GRIK2: variants seen among roughly 807,000 people sequenced by gnomAD.
GRIK2 encodes the protein glutamate ionotropic receptor kainate type subunit 2.
GRIK2 carries 32 observed loss-of-function variants against 100.3 expected under a neutral mutation model. The observed-to-expected ratio is 0.32, with a 90% CI of 0.24 to 0.43. The LOEUF (loss-of-function observed/expected upper bound fraction) is 0.43. Among genes scored for constraint, GRIK2 ranks in the 20% least tolerant of loss-of-function variants. GRIK2 has a pLI of 1.00. For missense variants in GRIK2, 843 were observed against 1,114.9 expected, an observed-to-expected ratio of 0.76 and a Z score of 3.47; for synonymous variants, 417 against 389.4, an observed-to-expected ratio of 1.07 and a Z score of -0.83.
chr6:101,830,106 A>T (rs886952924), intron 10 of GRIK2, among the ~76,000 whole-genome samples: 1 of 151,964 alleles, frequency 6.6e-6, no homozygotes, highest in Non-Finnish European at 1.5e-5. Flanking sequence ...AGAATAGAAA[A>T]CTCAGAAATA....
At chr6:101,753,572 C>T (rs1044331854) in intron 7 of GRIK2, among the ~76,000 whole-genome samples, 2 of 151,842 alleles carry the variant, frequency 1.3e-5, no homozygotes, top group African/African-American at 4.8e-5. Flanking sequence ...TACTTAAGAA[C>T]ACTCATTTTA....
At chr6:101,905,206 TG>T (rs1342089910) in intron 12 of GRIK2, among the ~76,000 whole-genome samples, 1 of 151,612 alleles carries the variant, frequency 6.6e-6, no homozygotes, top group African/African-American at 2.4e-5. Flanking sequence ...GTCTCTAGTT[TG>T]CTCATCTTGT....
At chr6:101,933,855 T>G (rs1284141766) in intron 14 of GRIK2, among the ~76,000 whole-genome samples, 1 of 151,932 alleles carries the variant, frequency 6.6e-6, no homozygotes, top group Non-Finnish European at 1.5e-5. Flanking sequence ...AAGTCATTGA[T>G]TTTGAAGTGT....
chr6:101,961,023 T>A (rs1038215574), intron 14 of GRIK2, among the ~76,000 whole-genome samples: 13 of 152,134 alleles, frequency 8.5e-5, no homozygotes, highest in Admixed American at 7.2e-4. Context: ...TAAGTTAATG[T>A]ATCCACCTTG....
chr6:101,489,275 A>G (rs991506618), intron 2 of GRIK2, among the ~76,000 whole-genome samples: 1 of 146,130 alleles, frequency 6.8e-6, no homozygotes, highest in Non-Finnish European at 1.5e-5. Flanking sequence ...CCAAGTGACC[A>G]TGGCTAGAGA....
intron 2 of GRIK2, among the ~76,000 whole-genome samples, chr6:101,426,220 TG>T (rs1439563606): frequency 3.3e-5 from 5 of 152,166 alleles, no homozygotes; most frequent in African/African-American, 1.2e-4. Flanking sequence ...ACCTCAGCTT[TG>T]TTATGTATGC....
At chr6:101,793,724 A>G (rs771626647) in intron 7 of GRIK2, among the ~76,000 whole-genome samples, 14 of 152,144 alleles carry the variant, frequency 9.2e-5, no homozygotes, top group Non-Finnish European at 1.8e-4. Flanking sequence ...TGGGAGAACC[A>G]CTGCTCTCTT....
intron 12 of GRIK2, among the ~76,000 whole-genome samples, chr6:101,914,374 C>T (rs78029457): frequency 0.012 from 1,767 of 151,386 alleles, 9 homozygotes; most frequent in Non-Finnish European, 0.017. Context: ...TTACATCTAT[C>T]TGTGGTCAGA....
chr6:101,892,200 T>C (rs1235527341), intron 12 of GRIK2, among the ~76,000 whole-genome samples: 1 of 152,172 alleles, frequency 6.6e-6, no homozygotes, highest in African/African-American at 2.4e-5. Flanking sequence ...CTGGAGGTCT[T>C]AGACACAGAG....
At chr6:101,948,310 C>T (rs1791395724) in intron 14 of GRIK2, among the ~76,000 whole-genome samples, 1 of 150,464 alleles carries the variant, frequency 6.6e-6, no homozygotes, top group African/African-American at 2.4e-5. Flanking sequence ...AATCTTAGAA[C>T]TGTCTTTTTT....
chr6:101,408,105 T>C (rs992446363), intron 2 of GRIK2, among the ~76,000 whole-genome samples: 2 of 152,154 alleles, frequency 1.3e-5, no homozygotes, highest in Non-Finnish European at 2.9e-5. Flanking sequence ...TTTAGACTAC[T>C]GTGTGTAGCC....
intron 3 of GRIK2, among the ~76,000 whole-genome samples, 176 bp from the exon 4 acceptor site, chr6:101,626,204 C>T (rs530178926): frequency 1.3e-5 from 2 of 152,202 alleles, no homozygotes; most frequent in East Asian, 1.9e-4. Context: ...TTGTAACAAA[C>T]GGAAAGTGTT....
At chr6:102,048,490 A>T (rs544866126) in intron 15 of GRIK2, among the ~76,000 whole-genome samples, 6 of 152,284 alleles carry the variant, frequency 3.9e-5, no homozygotes, top group African/African-American at 1.4e-4. Context: ...AACTATATTA[A>T]GAACTCAGAC....
At chr6:101,640,886 A>T (rs1781249561) in intron 4 of GRIK2, among the ~76,000 whole-genome samples, 1 of 152,156 alleles carries the variant, frequency 6.6e-6, no homozygotes, top group African/African-American at 2.4e-5. Context: ...ACTTATCAAT[A>T]TGATAAACAA....
intron 7 of GRIK2, among the ~76,000 whole-genome samples, chr6:101,760,924 T>A (rs1330547276): frequency 6.6e-6 from 1 of 151,548 alleles, no homozygotes; most frequent in Non-Finnish European, 1.5e-5. Flanking sequence ...CTACACAGTG[T>A]CTGTCTCATA....
At chr6:101,672,516 C>G (rs904655622) in intron 4 of GRIK2, among the ~76,000 whole-genome samples, 4 of 152,152 alleles carry the variant, frequency 2.6e-5, no homozygotes, top group African/African-American at 9.7e-5. Flanking sequence ...CATCTTACCT[C>G]TCTTACATTA....
At chr6:101,625,020 T>C (rs1276062279) in intron 3 of GRIK2, among the ~76,000 whole-genome samples, 1 of 152,156 alleles carries the variant, frequency 6.6e-6, no homozygotes, top group African/African-American at 2.4e-5. Flanking sequence ...TCTTCCTGCA[T>C]TGGCCTCCCG....
rs886079552 is a variant in GRIK2 at position 102,019,811 on chromosome 6, T to C, written c.2086-15530T>C. On this transcript the variant is annotated intron_variant, in intron 14 of 16. Transcript: ENST00000369134. ...TTAAAATCATCTTTATATATCCCTTTTTAAATTAACCATCTAACTGCTTCT... is the reference window on the plus strand; with the variant it reads ...TTAAAATCATCTTTATATATCCCTTCTTAAATTAACCATCTAACTGCTTCT... Among the ~76,000 whole-genome samples the C allele has an allele frequency of 2.6e-5, 4 of 152,102 alleles. No homozygotes were observed. The South Asian group carries it at 8.3e-4, about 32-fold the overall frequency.
At chr6:101,460,147 C>T (rs1193888240) in intron 2 of GRIK2, among the ~76,000 whole-genome samples, 1 of 152,100 alleles carries the variant, frequency 6.6e-6, no homozygotes, top group Non-Finnish European at 1.5e-5. Flanking sequence ...CTAGTTGTGC[C>T]ACGACAGTGT....
Sources: allele counts gnomAD v4.1 joint callset (sites outside exome capture counted in the v4.1 genomes callset), GRCh38; gene constraint gnomAD v4.1.1; transcripts MANE v1.5; gene names NCBI Gene and HGNC (gene_info 2026-07-23, HGNC 2026-07-21).